Variants in SORD observed in about 807,000 individuals in gnomAD.
SORD encodes the protein (R,R)-butanediol dehydrogenase.
Under a neutral mutation model 35.6 loss-of-function variants are expected in SORD, and 18 were observed. The observed-to-expected ratio is 0.51, with a 90% confidence interval of 0.35 to 0.75. SORD has a LOEUF of 0.75. SORD is among the 30% of genes least tolerant of loss of function. The pLI, the probability that SORD is intolerant of heterozygous loss-of-function variation, is 0.01. For missense variants in SORD, 250 were observed against 390.2 expected, an observed-to-expected ratio of 0.64 and a Z score of 3.03; for synonymous variants, 106 against 152.9, an observed-to-expected ratio of 0.69 and a Z score of 2.26.
intron 3 of SORD, chr15:45,058,451 G>A (rs1396162346): frequency 2.6e-5 from 4 of 151,836 alleles, no homozygotes; most frequent in Non-Finnish European, 5.9e-5. Flanking sequence ...CTGACCAACA[G>A]AGGCCTGGTA....
intron 1 of SORD, among the ~76,000 whole-genome samples, chr15:45,027,298 C>G (rs550197834): frequency 2.0e-5 from 3 of 152,404 alleles, no homozygotes; most frequent in Admixed American, 2.0e-4. Context: ...GTTCCCAAAC[C>G]AGGCTGGGGA....
rs1369650085 is a variant in SORD at position 45,075,017 on chromosome 15, A to G, written c.*1487A>G. On this transcript the variant is annotated 3_prime_UTR_variant, in exon 9 of 9. Transcript: ENST00000267814. Reference sequence around the variant, plus strand: ...AGCCACATACACAATCATTTTGTAGATAAAGAAGATATAAATGCCAGAGGA... The same window carrying G: ...AGCCACATACACAATCATTTTGTAGGTAAAGAAGATATAAATGCCAGAGGA... 1.7e-5 allele frequency: 1 copy of G among 60,006 alleles called. No individual in the cohort carries two copies. The highest frequency in any genetic ancestry group is 2.7e-5 in the Non-Finnish European group (1 of 36,512). 3.7% of individuals were successfully genotyped at this position (60,006 alleles called of 1,614,324 possible).
intron 8 of SORD, among the ~76,000 whole-genome samples, chr15:45,072,701 C>G (rs112330471): frequency 0.034 from 4,590 of 134,632 alleles, 490 homozygotes; most frequent in African/African-American, 0.12. Flanking sequence ...CTGCTTATCC[C>G]CCCCAGGCCC....
intron 3 of SORD, among the ~76,000 whole-genome samples, chr15:45,059,278 C>A (rs1394363564): frequency 6.6e-6 from 1 of 151,900 alleles, no homozygotes; most frequent in Non-Finnish European, 1.5e-5. Context: ...CTACAGTGAG[C>A]TGTGATTGCA....
chr15:45,028,535 A>G (rs75347885), intron 1 of SORD, among the ~76,000 whole-genome samples: 29,759 of 147,946 alleles, frequency 0.2, no homozygotes, highest in African/African-American at 0.44. Context: ...AAACAACACC[A>G]TGGAGGGGAT....
intron 3 of SORD, among the ~76,000 whole-genome samples, chr15:45,060,329 A>G (rs971721261): frequency 5.9e-5 from 9 of 152,210 alleles, no homozygotes; most frequent in African/African-American, 2.2e-4. Context: ...ATTTTGCTGT[A>G]TGTTTGAAAT....
At chr15:45,032,400 A>G (rs189449172) in intron 1 of SORD, among the ~76,000 whole-genome samples, 107 of 152,254 alleles carry the variant, frequency 7.0e-4, no homozygotes, top group African/African-American at 2.5e-3. Flanking sequence ...TTATATATCA[A>G]TAGCCCTACC....
chr15:45,027,472 C>G (rs1284528136), intron 1 of SORD, among the ~76,000 whole-genome samples: 1 of 152,252 alleles, frequency 6.6e-6, no homozygotes, highest in African/African-American at 2.4e-5. Context: ...CCTAGCACAG[C>G]ATTTAGCACA....
At chr15:45,054,880 C>A (rs1057126970) in intron 3 of SORD, among the ~76,000 whole-genome samples, 7 of 151,714 alleles carry the variant, frequency 4.6e-5, no homozygotes, top group African/African-American at 1.7e-4. Context: ...CCAGTTTTCC[C>A]AGCACCATTT....
chr15:45,060,962 T>C, intron 3 of SORD, 105 bp from the exon 4 acceptor site: 2 of 1,551,412 alleles, frequency 1.3e-6, no homozygotes, highest in Non-Finnish European at 1.7e-6. Context: ...ATAACATCTC[T>C]GCTTCTGCTG....
Position 45,065,339 on chromosome 15 carries a change from G to A in SORD, c.494G>A (p.Cys165Tyr). 6.2e-7 allele frequency: 1 copy of A among 1,613,880 alleles called. No homozygotes were observed. Among genetic ancestry groups the A allele is most frequent in the African/African-American group, 1.3e-5 (1 of 75,028 alleles). Residue 165 changes from cysteine to tyrosine, a missense_variant, in exon 5 of 9, where the codon TGC (cysteine) becomes TAC (tyrosine). Coordinates refer to ENST00000267814, the MANE Select transcript of SORD (RefSeq NM_003104.6). ...IEPLSVGIHACRRGGVTLGHK... is the reference protein window; with the variant it reads ...IEPLSVGIHAYRRGGVTLGHK... The stretch of plus-strand genomic sequence containing the variant: ...CCACTTTCTGTGGGGATCCATGCCT[G>A]CAGGAGAGGCGGAGTTACCCTGGGA...
chr15:45,028,117 G>A (rs1156590623), intron 1 of SORD, among the ~76,000 whole-genome samples: 2 of 152,246 alleles, frequency 1.3e-5, no homozygotes, highest in Non-Finnish European at 2.9e-5. Context: ...CTTGAGGCCA[G>A]GAGTTTGAGA....
rs529876416 is a variant in SORD, at chr15:45,059,541, G to A, written c.266-1526G>A. Among the ~76,000 whole-genome samples the A allele has an allele frequency of 2.6e-5, 4 of 152,326 alleles. No homozygotes were observed. In the East Asian group the frequency reaches 7.7e-4, roughly 29 times the overall value. On this transcript the variant is annotated intron_variant, in intron 3 of 8. Transcript: ENST00000267814. ...GACAGTTTTGCTCTGTCACCCAGGTGGGAATGCAGTGGTGTGATCATGTCT... is the reference window on the plus strand; with the variant it reads ...GACAGTTTTGCTCTGTCACCCAGGTAGGAATGCAGTGGTGTGATCATGTCT...
intron 3 of SORD, among the ~76,000 whole-genome samples, chr15:45,044,900 G>A (rs367696619): frequency 4.6e-5 from 7 of 151,916 alleles, no homozygotes; most frequent in Middle Eastern, 3.2e-3. Flanking sequence ...GCTTCACCGT[G>A]TTGGCCAGGC....
At chr15:45,046,387 C>T (rs1383657881) in intron 3 of SORD, among the ~76,000 whole-genome samples, 1 of 152,132 alleles carries the variant, frequency 6.6e-6, no homozygotes, top group Non-Finnish European at 1.5e-5. Flanking sequence ...GGATTACAGG[C>T]ACGCACCACC....
chr15:45,061,924 A>G (rs1047144508), intron 4 of SORD, among the ~76,000 whole-genome samples: 1 of 152,140 alleles, frequency 6.6e-6, no homozygotes, highest in Non-Finnish European at 1.5e-5. Flanking sequence ...CCATGACAGC[A>G]ACGGCTGACA....
At chr15:45,037,805 G>T (rs1189418937) in intron 1 of SORD, among the ~76,000 whole-genome samples, 2 of 151,814 alleles carry the variant, frequency 1.3e-5, no homozygotes, top group Non-Finnish European at 2.9e-5. Context: ...CTGTCAGGGG[G>T]TGGGGGACAA....
intron 1 of SORD, among the ~76,000 whole-genome samples, chr15:45,035,288 G>C (rs981782946): frequency 6.6e-6 from 1 of 152,202 alleles, no homozygotes; most frequent in Non-Finnish European, 1.5e-5. Context: ...GGTGAAGCCA[G>C]CTGGGCTCCT....
chr15:45,061,357 T>A, intron 4 of SORD, 131 bp downstream of exon 4: 1 of 974,252 alleles, frequency 1.0e-6, no homozygotes, highest in Non-Finnish European at 1.5e-6. Flanking sequence ...CTGGACAGGC[T>A]ACTCTTCTTG....
Sources: gnomAD v4.1 joint callset for allele counts (sites outside exome capture counted in the v4.1 genomes callset) on GRCh38, gnomAD v4.1.1 for gene constraint, MANE v1.5 for transcripts, NCBI Gene and HGNC (gene_info 2026-07-23, HGNC 2026-07-21) for gene names.